The following TRAM1 variants were observed in gnomAD, a reference collection of about 807,000 sequenced individuals.
TRAM1 encodes translocation associated membrane protein 1.
TRAM1 carries 17 observed loss-of-function variants against 48.7 expected under a neutral mutation model. The ratio of observed to expected loss-of-function variants is 0.35; its 90% confidence interval spans 0.24 to 0.52. The LOEUF is 0.52. Ranked by LOEUF, TRAM1 falls within the 20% of genes least tolerant of loss-of-function variation. TRAM1 has a pLI of 0.94. For missense variants in TRAM1, 351 were observed against 441.5 expected, an observed-to-expected ratio of 0.79 and a Z score of 1.84; for synonymous variants, 182 against 154.0, an observed-to-expected ratio of 1.18 and a Z score of -1.34.
intron 10 of TRAM1, among the ~76,000 whole-genome samples, chr8:70,580,273 C>T (rs944129048): frequency 6.6e-5 from 10 of 152,238 alleles, no homozygotes; most frequent in African/African-American, 2.4e-4. Context: ...TCCAATTATC[C>T]TTTATGAATA....
intron 6 of TRAM1, among the ~76,000 whole-genome samples, chr8:70,589,659 G>A (rs1334167600): frequency 2.0e-5 from 3 of 152,038 alleles, no homozygotes; most frequent in South Asian, 2.1e-4. Flanking sequence ...GCAACATGGC[G>A]AAACCCCATC....
intron 1 of TRAM1, 85 bp downstream of exon 1, chr8:70,607,992 G>A (rs950049127): frequency 1.4e-6 from 2 of 1,441,686 alleles, no homozygotes; most frequent in African/African-American, 1.5e-5. Flanking sequence ...CCGCGTCCTG[G>A]GCGGAGAAGC....
intron 10 of TRAM1, among the ~76,000 whole-genome samples, chr8:70,579,892 T>A (rs919875797): frequency 6.6e-6 from 1 of 152,206 alleles, no homozygotes; most frequent in Non-Finnish European, 1.5e-5. Flanking sequence ...TAACTGTATA[T>A]TTTAGTGTAA....
intron 6 of TRAM1, among the ~76,000 whole-genome samples, chr8:70,593,242 AAC>A (rs1563386854): frequency 6.6e-6 from 1 of 152,152 alleles, no homozygotes; most frequent in Non-Finnish European, 1.5e-5. Flanking sequence ...AGATACACAG[AAC>A]ACAGACACGA....
intron 6 of TRAM1, among the ~76,000 whole-genome samples, chr8:70,590,176 ATAATG>A (rs1817321387): frequency 2.6e-5 from 4 of 151,186 alleles, no homozygotes; most frequent in South Asian, 4.2e-4. Flanking sequence ...TGGAAAAACT[ATAATG>A]TAATGTAACT....
At chr8:70,602,953 C>G (rs1277780588) in intron 1 of TRAM1, among the ~76,000 whole-genome samples, 1 of 152,124 alleles carries the variant, frequency 6.6e-6, no homozygotes, top group East Asian at 1.9e-4. Flanking sequence ...TAGGTTGTAG[C>G]TGAACTCTGT....
chr8:70,596,307 T>C lies in TRAM1; in HGVS notation c.441A>G (p.Ser147=). 6.3e-7 allele frequency: 1 copy of C among 1,598,048 alleles called. No individual in the cohort carries two copies. The highest frequency in any genetic ancestry group is 8.5e-7 in the Non-Finnish European group (1 of 1,173,938). The change falls in exon 5 of 11, where the codon TCA becomes TCG. Residue 147 remains serine, a synonymous_variant. Coordinates refer to ENST00000262213, the MANE Select transcript of TRAM1 (RefSeq NM_014294.6). The part of the protein sequence containing the change: ...TFILISENYI[S]DPTILWRAYP... The stretch of plus-strand genomic sequence containing the variant: ...AAGCCCTCCATAAGATAGTTGGGTC[T>C]GAGATGTAGTTTTCCTAAGAAAGAA...
rs1394285910 is a variant in TRAM1, at chr8:70,583,048, A to G, written c.1051+116T>C. 1.0e-5 allele frequency: 12 copies of G among 1,191,604 alleles called. No individual in the cohort carries two copies. In the East Asian group the frequency reaches 3.1e-4, roughly 31 times the overall value. 73.8% of individuals were successfully genotyped at this position (1,191,604 alleles called of 1,614,324 possible). On this transcript the variant is annotated intron_variant, in intron 10 of 10. Coordinates refer to ENST00000262213, the MANE Select transcript of TRAM1 (RefSeq NM_014294.6). ...TTACTTTGCCTCTAATTTTGTTGAA[A>G]AGCAGAATAGTATTTTCTTTATAAG... is the stretch of plus-strand genomic sequence containing the variant.
intron 10 of TRAM1, among the ~76,000 whole-genome samples, chr8:70,580,544 T>C (rs1397121764): frequency 6.6e-6 from 1 of 152,130 alleles, no homozygotes; most frequent in Non-Finnish European, 1.5e-5. Context: ...AGAGGGGAAC[T>C]TCCTCAACCT....
chr8:70,595,798 G>A (rs1006880803), intron 5 of TRAM1, among the ~76,000 whole-genome samples: 6 of 152,078 alleles, frequency 3.9e-5, no homozygotes, highest in Admixed American at 6.5e-5. Flanking sequence ...TTATTCAGAC[G>A]TCTTGGTAAC....
At chr8:70,601,101 T>C (rs1274794646) in intron 1 of TRAM1, among the ~76,000 whole-genome samples, 1 of 152,208 alleles carries the variant, frequency 6.6e-6, no homozygotes, top group Non-Finnish European at 1.5e-5. Context: ...TTAGAAGGAT[T>C]GCTCTCTGTG....
chr8:70,603,384 T>A (rs377325485), intron 1 of TRAM1, among the ~76,000 whole-genome samples: 1 of 151,974 alleles, frequency 6.6e-6, no homozygotes, highest in African/African-American at 2.4e-5. Flanking sequence ...GTTTGTAATA[T>A]GAAGTCACCA....
At chr8:70,588,376 A>G (rs1243667096) in intron 6 of TRAM1, among the ~76,000 whole-genome samples, 1 of 152,148 alleles carries the variant, frequency 6.6e-6, no homozygotes, top group Non-Finnish European at 1.5e-5. Context: ...GCTTGAAGCC[A>G]GGCGTTTGAG....
chr8:70,603,823 T>C (rs1005474915), intron 1 of TRAM1, among the ~76,000 whole-genome samples: 1 of 152,148 alleles, frequency 6.6e-6, no homozygotes, highest in Admixed American at 6.5e-5. Context: ...GGCTTCCAAA[T>C]AAAATTAAAA....
intron 5 of TRAM1, among the ~76,000 whole-genome samples, chr8:70,595,513 T>C (rs540568519): frequency 7.2e-5 from 11 of 152,278 alleles, no homozygotes; most frequent in African/African-American, 2.6e-4. Context: ...TACTAAATAC[T>C]GTGTAGGTGA....
chr8:70,607,180 T>A (rs73685683), intron 1 of TRAM1: 72,727 of 985,190 alleles, frequency 0.074, 2,806 homozygotes, highest in Middle Eastern at 0.086. Context: ...CGTAGGATGT[T>A]ACTCGTTCAC....
In TRAM1 at chr8:70,608,230, T is replaced by C; in HGVS notation, c.-31A>G. On this transcript the variant is annotated 5_prime_UTR_variant, in exon 1 of 11. Coordinates refer to ENST00000262213, the MANE Select transcript of TRAM1 (RefSeq NM_014294.6). ...GGCCGCCGCCCGCGCCTGCAGGTGC[T>C]CCGCCCCGGTTCTGCTCTTCCCAGC... The C allele has an allele frequency of 6.4e-7, 1 of 1,570,488 alleles. No homozygotes were observed.
At chr8:70,585,583 A>C (rs1404550887) in intron 8 of TRAM1, among the ~76,000 whole-genome samples, 3 of 83,996 alleles carry the variant, frequency 3.6e-5, no homozygotes, top group African/African-American at 1.1e-4. Flanking sequence ...TTACAAGAAA[A>C]AAACAACCCC....
intron 2 of TRAM1, among the ~76,000 whole-genome samples, chr8:70,598,901 T>G (rs1817545782): frequency 6.6e-6 from 1 of 152,226 alleles, no homozygotes; most frequent in South Asian, 2.1e-4. Context: ...AAAACAGTAT[T>G]GTAGTTTTGA....
Sources: allele counts gnomAD v4.1 joint callset (sites outside exome capture counted in the v4.1 genomes callset), GRCh38; gene constraint gnomAD v4.1.1; transcripts MANE v1.5; gene names NCBI Gene and HGNC (gene_info 2026-07-23, HGNC 2026-07-21).